Variants in HDLBP observed in about 807,000 individuals in gnomAD.
HDLBP encodes vigilin.
A neutral mutation model predicts 137.3 loss-of-function variants in HDLBP; 30 were observed. The observed-to-expected ratio is 0.22, with a 90% CI of 0.16 to 0.30. The LOEUF (loss-of-function observed/expected upper bound fraction) is 0.30, where lower values mean the gene tolerates loss of function less well. Among genes scored for constraint, HDLBP ranks in the 10% least tolerant of loss-of-function variants. The pLI is 1.00. For missense variants in HDLBP, 1,119 were observed against 1,667.3 expected (o/e 0.67, Z 5.73); for synonymous variants, 606 against 596.0 (o/e 1.02, Z -0.24).
chr2:241,237,648 T>C (rs1005370684), intron 20 of HDLBP, among the ~76,000 whole-genome samples: 5 of 152,138 alleles, frequency 3.3e-5, no homozygotes, highest in Non-Finnish European at 7.3e-5. Flanking sequence ...GCTAGAATTA[T>C]GTAAGAGAAT....
At position 241,230,090 on chromosome 2, in the gene HDLBP, C is replaced by T; in HGVS notation, c.3591+63G>A. 1 of 1,589,316 alleles carries T rather than the reference C, an allele frequency of 6.3e-7. No individual in the cohort carries two copies. Among genetic ancestry groups the T allele is most frequent in the Non-Finnish European group, 8.6e-7 (1 of 1,159,536 alleles). On this transcript the variant is annotated intron_variant, in intron 26 of 27. Transcript: ENST00000310931. This position sits in a 1 kb window ranked among gnomAD's most constrained non-coding sequence, Gnocchi z 5.0. ...CCACCTTGTCCCCTGAAGCTCCTGG[C>T]TGGGCCTCAGGCCGGTGGACGTGCC... is the stretch of plus-strand genomic sequence containing the variant.
At chr2:241,290,680 G>A (rs747818128) in intron 1 of HDLBP, among the ~76,000 whole-genome samples, 50 of 151,876 alleles carry the variant, frequency 3.3e-4, no homozygotes, top group South Asian at 1.9e-3. Context: ...TCTCAATGCT[G>A]GTTATATGAG....
chr2:241,248,185 C>G, intron 13 of HDLBP, 59 bp downstream of exon 13: 1 of 1,555,378 alleles, frequency 6.4e-7, no homozygotes, highest in South Asian at 1.1e-5. Context: ...ATCAAATATT[C>G]CTGAAGTGTG....
At chr2:241,282,288 G>C (rs953923044) in intron 1 of HDLBP, among the ~76,000 whole-genome samples, 3 of 152,186 alleles carry the variant, frequency 2.0e-5, no homozygotes, top group African/African-American at 7.2e-5. Flanking sequence ...CAAGTGAAAA[G>C]TAGAATAAGA....
intron 1 of HDLBP, among the ~76,000 whole-genome samples, chr2:241,275,042 TTCTCTGACTA>T (rs1176723660): frequency 6.6e-6 from 1 of 152,180 alleles, no homozygotes; most frequent in Non-Finnish European, 1.5e-5. Context: ...ACAGGATGCC[TTCTCTGACTA>T]TCCTGAGCTG....
chr2:241,229,734 CGCAA>C lies in HDLBP; in HGVS notation c.3721-51_3721-48del, dbSNP rs1559468102. On this transcript the variant is annotated intron_variant, in intron 27 of 27. Transcript: ENST00000310931. Reference sequence around the variant, plus strand: ...CTTCAGGAGGGGATGCTCCCCAACTCGCAAGCAGCTTCCGACGCAGTTGCCACCC... The same window carrying C: ...CTTCAGGAGGGGATGCTCCCCAACTCGCAGCTTCCGACGCAGTTGCCACCC... The C allele has an allele frequency of 2.5e-6, 4 of 1,611,216 alleles. No homozygotes were observed. In the South Asian group the frequency reaches 4.4e-5, roughly 18 times the overall value.
Position 241,266,800 on chromosome 2 carries a change from T to G in HDLBP, c.70A>C (p.Ile24Leu). Residue 24 changes from isoleucine to leucine, a missense_variant, in exon 3 of 28, where the codon ATC (isoleucine) becomes CTC (leucine). This residue lies in a region of HDLBP where 59 missense variants were observed against 92.4 expected (regional missense o/e 0.64). Transcript: ENST00000310931. ...CACATAAAAGGGCTGTCACCTTTGA[T>G]TTGTTGCGGAACCAGCCCACTTCGG... Reference protein sequence around the residue: ...EHRSGLVPQQIKVATLNSEEE... With the variant: ...EHRSGLVPQQLKVATLNSEEE... 6.2e-7 allele frequency: 1 copy of G among 1,604,750 alleles called. No individual in the cohort carries two copies. Among genetic ancestry groups the G allele is most frequent in the Non-Finnish European group, 8.5e-7 (1 of 1,171,382 alleles).
At chr2:241,264,665 T>C in intron 3 of HDLBP, 60 bp from the exon 4 acceptor site, 1 of 1,529,802 alleles carries the variant, frequency 6.5e-7, no homozygotes, top group Non-Finnish European at 9.0e-7. Flanking sequence ...TGAAAAACAC[T>C]TTTAAGGGTT....
chr2:241,288,373 A>T (rs2074904309), intron 1 of HDLBP, among the ~76,000 whole-genome samples: 1 of 144,702 alleles, frequency 6.9e-6, no homozygotes, highest in Non-Finnish European at 1.5e-5. Flanking sequence ...TTAAAGGGGG[A>T]CTGAGTTCTG....
chr2:241,242,513 A>T lies in HDLBP; in HGVS notation c.2116T>A (p.Ser706Thr), dbSNP rs909483686. ...GSDTVVIRGP[S>T]SDVEKAKKQL... The stretch of plus-strand genomic sequence containing the variant: ...TTCTTGGCCTTCTCCACATCCGAGG[A>T]AGGGCCCCTGATAACAACGGTGTCG... The change falls in exon 17 of 28, where the codon TCC (serine) becomes ACC (threonine). Residue 706 changes from serine to threonine, a missense_variant. By Grantham distance (58) the Ser-to-Thr change is moderately conservative. This residue lies in a region of HDLBP where 618 missense variants were observed against 816.7 expected (regional missense o/e 0.76). Transcript: ENST00000310931. The T allele has an allele frequency of 6.8e-6, 11 of 1,613,996 alleles. No homozygotes were observed. The African/African-American group carries it at 9.3e-5, about 14-fold the overall frequency.
intron 1 of HDLBP, among the ~76,000 whole-genome samples, chr2:241,280,894 TA>T: frequency 6.6e-6 from 1 of 152,346 alleles, no homozygotes; most frequent in East Asian, 1.9e-4. Flanking sequence ...ACTAAACCAC[TA>T]AACTCACTAC....
At position 241,297,763 on chromosome 2, in the gene HDLBP, A is replaced by C. The variant is rs1298653676; in HGVS notation, c.-103+17807T>G. 2.6e-5 allele frequency among the ~76,000 whole-genome samples: 4 copies of C among 152,242 alleles called. No individual in the cohort carries two copies. The East Asian group carries it at 7.7e-4, about 29-fold the overall frequency. On this transcript the variant is annotated intron_variant, in intron 1 of 27. Coordinates refer to ENST00000310931, the MANE Select transcript of HDLBP (RefSeq NM_005336.6). The stretch of plus-strand genomic sequence containing the variant: ...GAGAAGAGAAGAGAAAGAGACAGAG[A>C]ATAATGAGGACATATCAGAAGGACA...
intron 11 of HDLBP, 114 bp downstream of exon 11, chr2:241,252,843 A>T: frequency 1.5e-6 from 1 of 647,674 alleles, no homozygotes; most frequent in Non-Finnish European, 2.8e-6. Flanking sequence ...AACTCCCATT[A>T]CAGGCAGCAA....
chr2:241,261,039 C>CAAACA (rs1553645434), intron 5 of HDLBP, among the ~76,000 whole-genome samples: 1 of 149,798 alleles, frequency 6.7e-6, no homozygotes, highest in African/African-American at 2.5e-5. Context: ...AAAAAACAAA[C>CAAACA]AAAAAAAAAG....
At chr2:241,288,332 A>G (rs924823411) in intron 1 of HDLBP, among the ~76,000 whole-genome samples, 9 of 152,228 alleles carry the variant, frequency 5.9e-5, no homozygotes, top group Non-Finnish European at 8.8e-5. Flanking sequence ...AACAAGATAC[A>G]TAAGAGCTGT....
intron 1 of HDLBP, among the ~76,000 whole-genome samples, chr2:241,290,632 GACTCTAA>G (rs1034306092): frequency 8.0e-5 from 12 of 150,300 alleles, no homozygotes; most frequent in African/African-American, 2.4e-4. Flanking sequence ...AAAAAAATCA[GACTCTAA>G]ACTCTAAAAA....
At chr2:241,235,001 C>G in intron 23 of HDLBP, 120 bp downstream of exon 23, 2 of 1,263,640 alleles carry the variant, frequency 1.6e-6, no homozygotes, top group Non-Finnish European at 2.2e-6. Flanking sequence ...CTGCCTGCAT[C>G]TCACCTCCAG....
chr2:241,260,994 C>A (rs1426436473), intron 5 of HDLBP, among the ~76,000 whole-genome samples: 1 of 151,470 alleles, frequency 6.6e-6, no homozygotes, highest in Non-Finnish European at 1.5e-5. Flanking sequence ...GGTTTGAGAC[C>A]AGAGTGGGCA....
At chr2:241,283,754 G>A (rs766916564) in intron 1 of HDLBP, among the ~76,000 whole-genome samples, 30 of 152,154 alleles carry the variant, frequency 2.0e-4, no homozygotes, top group Admixed American at 1.1e-3. Flanking sequence ...GATTACAGGC[G>A]TGAGCTACTG....
Sources: allele counts gnomAD v4.1 joint callset (sites outside exome capture counted in the v4.1 genomes callset), GRCh38; gene constraint gnomAD v4.1.1; regional missense constraint gnomAD v4.1.1; non-coding constraint Gnocchi (gnomAD v3.1); transcripts MANE v1.5; gene names NCBI Gene and HGNC (gene_info 2026-07-23, HGNC 2026-07-21).